SETD5: variants seen among roughly 807,000 people sequenced by gnomAD.
SETD5 encodes histone-lysine N-methyltransferase SETD5.
SETD5 carries 44 observed loss-of-function variants against 153.3 expected under a neutral mutation model. That is an observed-to-expected ratio of 0.29 (90% CI 0.23 to 0.37). SETD5 has a LOEUF of 0.37. Among genes scored for constraint, SETD5 ranks in the 10% least tolerant of loss-of-function variants. SETD5 has a pLI of 1.00. For synonymous variants in SETD5, 716 were observed against 645.2 expected, an observed-to-expected ratio of 1.11 and a Z score of -1.66; for missense variants, 1,544 against 1,768.0, an observed-to-expected ratio of 0.87 and a Z score of 2.27.
Position 9,445,965 on chromosome 3 carries a change from G to GTTTTTTTTTTTTTTTTTTTTTTT in SETD5, c.1524+226_1524+248dup, listed in dbSNP as rs376821559. Among the ~76,000 whole-genome samples, 11 of 86,462 alleles carry GTTTTTTTTTTTTTTTTTTTTTTT rather than the reference G, an allele frequency of 1.3e-4. 2 individuals carry two copies. Among genetic ancestry groups the GTTTTTTTTTTTTTTTTTTTTTTT allele is most frequent in the African/African-American group, 4.7e-4 (10 of 21,380 alleles). 56.7% of individuals were successfully genotyped at this position (86,462 alleles called of 152,430 possible). On this transcript the variant is annotated intron_variant, in intron 13 of 22. Coordinates refer to ENST00000402198, the MANE Select transcript of SETD5 (RefSeq NM_001080517.3). The stretch of plus-strand genomic sequence containing the variant: ...TATCTAGTGATGGTTTGAAGAGGTT[G>GTTTTTTTTTTTTTTTTTTTTTTT]TTTTTTTTTTTTTTTTTTTTTTTAC...
rs1201156446 is a variant in SETD5 at position 9,477,072 on chromosome 3, T to G, written c.*981T>G. The stretch of plus-strand genomic sequence containing the variant: ...GGAGCATGCACTTGTGACTGCAGGG[T>G]AAGAGTGGGAAGATAGGTTTGTGGA... On this transcript the variant is annotated 3_prime_UTR_variant, in exon 23 of 23. Transcript: ENST00000402198. 1 of 152,588 alleles carries G rather than the reference T, an allele frequency of 6.6e-6. No individual in the cohort carries two copies. Among genetic ancestry groups the G allele is most frequent in the African/African-American group, 2.4e-5 (1 of 41,410 alleles). 9.5% of individuals were successfully genotyped at this position (152,588 alleles called of 1,614,324 possible). A position where few individuals can be genotyped will look rare whatever the true frequency, so the allele number is the denominator to read the frequency against.
At chr3:9,404,623 GAC>G (rs2035369620) in intron 1 of SETD5, among the ~76,000 whole-genome samples, 1 of 152,114 alleles carries the variant, frequency 6.6e-6, no homozygotes, top group South Asian at 2.1e-4. Flanking sequence ...CTCCATACCA[GAC>G]AGTTTTCTCT....
At chr3:9,475,280 C>A in intron 22 of SETD5, 124 bp downstream of exon 22, 1 of 1,151,320 alleles carries the variant, frequency 8.7e-7, no homozygotes, top group East Asian at 2.6e-5. Context: ...GGAAATAAGT[C>A]ATCATCTGCT....
At chr3:9,474,329 G>A in intron 20 of SETD5, 120 bp from the exon 21 acceptor site, 3 of 1,132,898 alleles carry the variant, frequency 2.6e-6, no homozygotes, top group Non-Finnish European at 3.7e-6. Context: ...GTTTTAAATT[G>A]GTTCTGAAGA....
chr3:9,420,854 A>G (rs2038277615), intron 1 of SETD5, among the ~76,000 whole-genome samples: 2 of 148,414 alleles, frequency 1.3e-5, no homozygotes. Context: ...CATGTTTCTC[A>G]CATTTTTTCT....
intron 17 of SETD5, among the ~76,000 whole-genome samples, chr3:9,462,199 C>A (rs1283460999): frequency 1.3e-5 from 2 of 152,216 alleles, no homozygotes; most frequent in African/African-American, 4.8e-5. Context: ...AGATAATCTT[C>A]CTGGCCCAAA....
chr3:9,441,783 C>T (rs1171459025), intron 9 of SETD5, 42 bp downstream of exon 9: 3 of 1,611,692 alleles, frequency 1.9e-6, no homozygotes, highest in Non-Finnish European at 2.5e-6. Flanking sequence ...TAAGGTGGAC[C>T]TGGTTGACCA....
chr3:9,437,522 C>CGTGTGTGTGTGTGTGTGT (rs6147703), intron 7 of SETD5, among the ~76,000 whole-genome samples: 1,972 of 145,098 alleles, frequency 0.014, 58 homozygotes, highest in African/African-American at 0.045. Flanking sequence ...TCCTCCTTTA[C>CGTGTGTGTGTGTGTGTGT]GTGTGTGTGT....
At chr3:9,420,462 G>T (rs867751246) in intron 1 of SETD5, among the ~76,000 whole-genome samples, 20 of 152,068 alleles carry the variant, frequency 1.3e-4, no homozygotes, top group Admixed American at 2.0e-4. Context: ...ATAGACATCG[G>T]TTTATTGTGC....
At chr3:9,468,413 C>T (rs775698537) in intron 18 of SETD5, 24 of 943,004 alleles carry the variant, frequency 2.5e-5, no homozygotes, top group Admixed American at 5.4e-5. Flanking sequence ...TCCCCGCCCC[C>T]GAAAAAAGTT....
At chr3:9,475,431 C>G in intron 22 of SETD5, 52 bp from the exon 23 acceptor site, 2 of 1,556,710 alleles carry the variant, frequency 1.3e-6, no homozygotes. Context: ...GTTCACCAGC[C>G]ATTTAAGGGA....
At chr3:9,466,372 C>T (rs565484641) in intron 18 of SETD5, among the ~76,000 whole-genome samples, 1 of 151,020 alleles carries the variant, frequency 6.6e-6, no homozygotes, top group East Asian at 1.9e-4. Flanking sequence ...TGTTCCTTAT[C>T]CCTTGTAGCA....
At chr3:9,468,905 A>T (rs570960632) in intron 18 of SETD5, among the ~76,000 whole-genome samples, 2 of 152,192 alleles carry the variant, frequency 1.3e-5, no homozygotes, top group African/African-American at 4.8e-5. Context: ...CAAGATGCTG[A>T]TATGTGGTAG....
chr3:9,468,892 A>G (rs1197100054), intron 18 of SETD5, among the ~76,000 whole-genome samples: 1 of 152,074 alleles, frequency 6.6e-6, no homozygotes, highest in Non-Finnish European at 1.5e-5. Flanking sequence ...AGAATCTAGA[A>G]GTCAAGATGC....
intron 21 of SETD5, chr3:9,474,867 A>G: frequency 1.6e-6 from 1 of 621,398 alleles, no homozygotes; most frequent in South Asian, 2.1e-5. Context: ...GAGAAAGAAG[A>G]CGGGAATCAC....
intron 1 of SETD5, among the ~76,000 whole-genome samples, chr3:9,399,128 AAAC>A (rs1285641132): frequency 4.6e-5 from 7 of 152,222 alleles, no homozygotes; most frequent in Admixed American, 2.6e-4. Context: ...TCAGTTGACT[AAAC>A]AAGTTTTTAG....
intron 15 of SETD5, 46 bp from the exon 16 acceptor site, chr3:9,448,342 C>T (rs748315113): frequency 3.8e-6 from 6 of 1,598,032 alleles, no homozygotes; most frequent in Non-Finnish European, 5.1e-6. Context: ...ATGAACTACA[C>T]TGCTACCTCT....
chr3:9,437,740 C>T (rs1243378946), intron 7 of SETD5, among the ~76,000 whole-genome samples: 1 of 152,070 alleles, frequency 6.6e-6, no homozygotes, highest in Non-Finnish European at 1.5e-5. Context: ...CAGTAGCTCA[C>T]GCCTGTAATC....
intron 20 of SETD5, 123 bp from the exon 21 acceptor site, chr3:9,474,316 GTTGTTTTAAA>G (rs1443172780): frequency 2.1e-5 from 20 of 956,490 alleles, no homozygotes; most frequent in African/African-American, 3.3e-5. Flanking sequence ...GAGGAAATAC[GTTGTTTTAAA>G]TTGGTTCTGA....
Sources: allele counts gnomAD v4.1 joint callset (sites outside exome capture counted in the v4.1 genomes callset), GRCh38; gene constraint gnomAD v4.1.1; transcripts MANE v1.5; gene names NCBI Gene and HGNC (gene_info 2026-07-23, HGNC 2026-07-21).